Variants in UBE2W observed in about 807,000 individuals in gnomAD.
UBE2W encodes ubiquitin-conjugating enzyme E2 W.
Under a neutral mutation model 27.2 loss-of-function variants are expected in UBE2W, and 18 were observed. The observed-to-expected ratio is 0.66, with a 90% CI of 0.46 to 0.98. The LOEUF is 0.98. Among genes scored for constraint, UBE2W ranks in the 50% least tolerant of loss-of-function variants. UBE2W has a pLI of 0.00. For missense variants in UBE2W, 90 were observed against 180.2 expected (o/e 0.50, Z 2.87); for synonymous variants, 53 against 57.2 (o/e 0.93, Z 0.33).
intron 1 of UBE2W, among the ~76,000 whole-genome samples, chr8:73,861,495 G>C (rs950366280): frequency 1.3e-5 from 2 of 152,074 alleles, no homozygotes; most frequent in Admixed American, 6.6e-5. Context: ...ATTTTTTGTA[G>C]AGATGGAGTC....
In UBE2W at chr8:73,855,394, CTTTTTTTT is replaced by C. The variant is rs66577299; in HGVS notation, c.15+23406_15+23413del. Among the ~76,000 whole-genome samples, 208 of 84,718 alleles carry C rather than the reference CTTTTTTTT, an allele frequency of 2.5e-3. 2 individuals are homozygous for C. The highest frequency in any genetic ancestry group is 1.0e-2 in the African/African-American group (194 of 19,408). 55.6% of individuals were successfully genotyped at this position (84,718 alleles called of 152,430 possible). A position where few individuals can be genotyped will look rare whatever the true frequency, so the allele number is the denominator to read the frequency against. ...ATACTTCATCTTTATATTCTACTTTCTTTTTTTTTTTTTTTTTTTTTTTTTGAGACAAG... is the reference window on the plus strand; with the variant it reads ...ATACTTCATCTTTATATTCTACTTTCTTTTTTTTTTTTTTTTTGAGACAAG... On this transcript the variant is annotated intron_variant, in intron 1 of 5. Transcript: ENST00000602593.
In UBE2W at chr8:73,876,773, A is replaced by C. The variant is rs1477590859; in HGVS notation, c.15+2035T>G. Among the ~76,000 whole-genome samples the C allele has an allele frequency of 1.3e-5, 2 of 152,190 alleles. 1 individual carries two copies. The highest frequency in any genetic ancestry group is 4.1e-4 in the South Asian group (2 of 4,820). On this transcript the variant is annotated intron_variant, in intron 1 of 5. Transcript: ENST00000602593. Reference sequence around the variant, plus strand: ...CACCTGAGTTCGGGAGTTCAAGACCAGCCTGACCAACATGAAGAAACCCCG... The same window carrying C: ...CACCTGAGTTCGGGAGTTCAAGACCCGCCTGACCAACATGAAGAAACCCCG...
chr8:73,785,481 G>A (rs1311027361), downstream of UBE2W, among the ~76,000 whole-genome samples: 6 of 152,152 alleles, frequency 3.9e-5, no homozygotes, highest in African/African-American at 1.2e-4. Context: ...GGGGGTACAC[G>A]TGCAGGTTGG....
At chr8:73,796,790 A>G (rs1808439788) in intron 5 of UBE2W, 2 of 315,494 alleles carry the variant, frequency 6.3e-6, no homozygotes, top group Non-Finnish European at 9.2e-6. Context: ...GCCATAACTA[A>G]GAAGCAAAAA....
At chr8:73,861,563 C>A (rs1427248812) in intron 1 of UBE2W, among the ~76,000 whole-genome samples, 1 of 152,144 alleles carries the variant, frequency 6.6e-6, no homozygotes, top group East Asian at 1.9e-4. Flanking sequence ...CCACCTTGGC[C>A]TCCCAAAGTG....
Position 73,789,307 on chromosome 8 carries a change from T to TG in UBE2W, c.*4794_*4795insC, listed in dbSNP as rs1554578239. On this transcript the variant is annotated 3_prime_UTR_variant, in exon 6 of 6. Coordinates refer to ENST00000602593, the MANE Select transcript of UBE2W (RefSeq NM_018299.6). ...GCAACATGGTGAGACCTCGTGTCTT[T>TG]AAAAAAAAAAAAAAAAAAAAAAAAA... The TG allele has an allele frequency of 2.5e-5, 1 of 40,016 alleles. No homozygotes were observed. The highest frequency in any genetic ancestry group is 4.6e-5 in the Non-Finnish European group (1 of 21,740). 2.5% of individuals were successfully genotyped at this position (40,016 alleles called of 1,614,324 possible).
Position 73,786,810 on chromosome 8 carries a change from G to GC in UBE2W, c.*7291dup. ...TTACACTCAACAGGACTTGAAAAATGCAAGGAGAGGACTACTGAGTATCAT... is the reference window on the plus strand; with the variant it reads ...TTACACTCAACAGGACTTGAAAAATGCCAAGGAGAGGACTACTGAGTATCAT... On this transcript the variant is annotated 3_prime_UTR_variant, in exon 6 of 6. Coordinates refer to ENST00000602593, the MANE Select transcript of UBE2W (RefSeq NM_018299.6). 1 of 985,398 alleles carries GC rather than the reference G, an allele frequency of 1.0e-6. No homozygotes were observed. Among genetic ancestry groups the GC allele is most frequent in the South Asian group, 4.7e-5 (1 of 21,288 alleles). 61.0% of individuals were successfully genotyped at this position (985,398 alleles called of 1,614,324 possible).
In UBE2W at chr8:73,790,094, G is replaced by A. The variant is rs950513856; in HGVS notation, c.*4008C>T. The A allele has an allele frequency of 1.0e-6, 1 of 984,450 alleles. No individual in the cohort carries two copies. The highest frequency in any genetic ancestry group is 1.2e-6 in the Non-Finnish European group (1 of 829,558). 61.0% of individuals were successfully genotyped at this position (984,450 alleles called of 1,614,324 possible). On this transcript the variant is annotated 3_prime_UTR_variant, in exon 6 of 6. Transcript: ENST00000602593. ...CTGAAATTAGTATCAGAAACTCCAT[G>A]TATTTTATTTGTAGGAGAGCATTTT... is the stretch of plus-strand genomic sequence containing the variant.
chr8:73,823,888 A>C (rs1359809175), intron 3 of UBE2W, among the ~76,000 whole-genome samples: 1 of 152,222 alleles, frequency 6.6e-6, no homozygotes. Context: ...AACTAAGAAA[A>C]GATTAAGCTG....
Position 73,805,472 on chromosome 8 carries a change from C to CAAAAAAAAAAAAAAAAACAACAAAAA in UBE2W, c.442+178_442+179insTTTTTGTTGTTTTTTTTTTTTTTTTT. On this transcript the variant is annotated intron_variant, in intron 5 of 5. Transcript: ENST00000602593. Reference sequence around the variant, plus strand: ...TCCATCTCAAAAAAAAAAAAAAAAACAAAAAAAACTAGGGTAATTCATCCA... The same window carrying CAAAAAAAAAAAAAAAAACAACAAAAA: ...TCCATCTCAAAAAAAAAAAAAAAAACAAAAAAAAAAAAAAAAACAACAAAAAAAAAAAAACTAGGGTAATTCATCCA... Among the ~76,000 whole-genome samples the CAAAAAAAAAAAAAAAAACAACAAAAA allele has an allele frequency of 2.1e-4, 9 of 43,676 alleles. 1 individual carries two copies. Among genetic ancestry groups the CAAAAAAAAAAAAAAAAACAACAAAAA allele is most frequent in the Non-Finnish European group, 4.0e-4 (8 of 20,124 alleles). 28.7% of individuals were successfully genotyped at this position (43,676 alleles called of 152,430 possible).
At chr8:73,851,149 C>A (rs571326720) in intron 1 of UBE2W, among the ~76,000 whole-genome samples, 14 of 151,974 alleles carry the variant, frequency 9.2e-5, no homozygotes, top group African/African-American at 2.7e-4. Flanking sequence ...CCATGCCCAG[C>A]GTCACCTATG....
chr8:73,870,892 T>TAGAGAAAAC (rs1563638602), intron 1 of UBE2W, among the ~76,000 whole-genome samples: 2 of 132,478 alleles, frequency 1.5e-5, no homozygotes, highest in African/African-American at 5.8e-5. Flanking sequence ...GCATTCCAAA[T>TAGAGAAAAC]AGAGAAAACA....
At chr8:73,806,163 C>G (rs1300178042) in intron 4 of UBE2W, among the ~76,000 whole-genome samples, 1 of 151,524 alleles carries the variant, frequency 6.6e-6, no homozygotes, top group East Asian at 1.9e-4. Flanking sequence ...TCAAAACAAA[C>G]AAACAAAAAA....
At chr8:73,822,171 C>T (rs1015618763) in intron 3 of UBE2W, among the ~76,000 whole-genome samples, 1 of 152,170 alleles carries the variant, frequency 6.6e-6, no homozygotes, top group Non-Finnish European at 1.5e-5. Flanking sequence ...CTGAGGAAAT[C>T]TCAACTGCAC....
intron 1 of UBE2W, among the ~76,000 whole-genome samples, chr8:73,877,373 A>C (rs1812277455): frequency 1.3e-5 from 2 of 152,312 alleles, no homozygotes; most frequent in South Asian, 4.1e-4. Context: ...CATTCGTGAT[A>C]TCTCTTCAAC....
At position 73,810,586 on chromosome 8, in the gene UBE2W, T is replaced by C; in HGVS notation, c.254A>G (p.Tyr85Cys). ...GENIPVHPHV[Y>C]SNGHICLSIL... ...GGATAAACAGATATGACCATTGCTA[T>C]AAACATGAGGATGAACAGGAATATT... Residue 85 changes from tyrosine to cysteine, a missense_variant, in exon 4 of 6, where the codon TAT becomes TGT. Coordinates refer to ENST00000602593, the MANE Select transcript of UBE2W (RefSeq NM_018299.6). The C allele has an allele frequency of 6.2e-7, 1 of 1,609,956 alleles. No individual in the cohort carries two copies. Among genetic ancestry groups the C allele is most frequent in the Non-Finnish European group, 8.5e-7 (1 of 1,178,288 alleles).
intron 1 of UBE2W, among the ~76,000 whole-genome samples, chr8:73,836,789 G>T (rs1479316552): frequency 1.3e-5 from 2 of 152,208 alleles, no homozygotes; most frequent in Non-Finnish European, 2.9e-5. Context: ...CTAAAGGTAT[G>T]ACACCACTGG....
At chr8:73,877,168 C>A (rs955082238) in intron 1 of UBE2W, among the ~76,000 whole-genome samples, 1 of 152,156 alleles carries the variant, frequency 6.6e-6, no homozygotes, top group Admixed American at 6.5e-5. Context: ...TAATCTTAAA[C>A]TTGTCATAAA....
chr8:73,868,469 T>C lies in UBE2W; in HGVS notation c.15+10339A>G, dbSNP rs117791188. Among the ~76,000 whole-genome samples the C allele has an allele frequency of 6.1e-3, 932 of 152,322 alleles. 16 individuals carry two copies. The highest frequency in any genetic ancestry group is 0.041 in the South Asian group (197 of 4,832). On this transcript the variant is annotated intron_variant, in intron 1 of 5. Transcript: ENST00000602593. The stretch of plus-strand genomic sequence containing the variant: ...AATACATTAGCAATTGTGAGTATAC[T>C]GTCTTCCCCGGTTTCTGTGAGCTGA...
Sources: gnomAD v4.1 joint callset for allele counts (sites outside exome capture counted in the v4.1 genomes callset) on GRCh38, gnomAD v4.1.1 for gene constraint, MANE v1.5 for transcripts, NCBI Gene and HGNC (gene_info 2026-07-23, HGNC 2026-07-21) for gene names.